The following PHACTR1 variants were observed in gnomAD, a reference collection of about 807,000 sequenced individuals.
PHACTR1 encodes RPEL repeat containing 1.
Under a neutral mutation model 69.2 loss-of-function variants are expected in PHACTR1, and 16 were observed. The observed-to-expected ratio is 0.23, with a 90% CI of 0.16 to 0.35. The LOEUF (loss-of-function observed/expected upper bound fraction) is 0.35, where lower values mean the gene tolerates loss of function less well. Ranked by LOEUF, PHACTR1 falls within the 10% of genes least tolerant of loss-of-function variation. The pLI, the probability that PHACTR1 is intolerant of heterozygous loss-of-function variation, is 1.00. For missense variants in PHACTR1, 510 were observed against 734.7 expected (o/e 0.69, Z 3.54); for synonymous variants, 312 against 284.5 (o/e 1.10, Z -0.97).
rs1354463048 is a variant in PHACTR1 at position 13,160,209 on chromosome 6, G to C, written c.421G>C (p.Glu141Gln). Residue 141 changes from glutamate (E) to glutamine (Q), a missense_variant, in exon 6 of 15, where the codon GAA becomes CAA. Glu to Gln is a conservative substitution (Grantham distance 29). Around this residue, in one of 2 missense-constraint regions of PHACTR1, gnomAD observed 419 missense variants for 530.9 expected, o/e 0.79. Coordinates refer to ENST00000332995, the MANE Select transcript of PHACTR1 (RefSeq NM_030948.6). ...EKFKHTSAAL[E>Q]RKISMRQSRE... ...TGTTTGTCTTTTGTTTGTAGCCCTG[G>C]AAAGGAAAATATCTATGAGGCAAAG... 6.2e-7 allele frequency: 1 copy of C among 1,613,598 alleles called. No individual in the cohort carries two copies. The highest frequency in any genetic ancestry group is 2.2e-5 in the East Asian group (1 of 44,872).
chr6:12,812,410 T>A (rs906702094), intron 4 of PHACTR1, among the ~76,000 whole-genome samples: 47 of 152,184 alleles, frequency 3.1e-4, no homozygotes, highest in Non-Finnish European at 6.3e-4. Flanking sequence ...AAGTGTGTCA[T>A]CACGTGGAGT....
chr6:12,839,533 T>C (rs938348875), intron 4 of PHACTR1, among the ~76,000 whole-genome samples: 1 of 152,098 alleles, frequency 6.6e-6, no homozygotes, highest in African/African-American at 2.4e-5. Context: ...AGATATGTCA[T>C]GGGGCCTGTG....
chr6:12,751,367 T>C (rs1207617839), intron 4 of PHACTR1, among the ~76,000 whole-genome samples: 2 of 152,252 alleles, frequency 1.3e-5, no homozygotes, highest in Non-Finnish European at 2.9e-5. Context: ...CCTACTTCTA[T>C]GTTTCAGATT....
At chr6:12,840,268 C>A (rs1467523555) in intron 4 of PHACTR1, among the ~76,000 whole-genome samples, 1 of 151,830 alleles carries the variant, frequency 6.6e-6, no homozygotes, top group African/African-American at 2.4e-5. Flanking sequence ...TTTTTTGATG[C>A]TAATTCATTC....
intron 7 of PHACTR1, among the ~76,000 whole-genome samples, chr6:13,199,578 T>C (rs187937137): frequency 6.6e-6 from 1 of 152,028 alleles, no homozygotes; most frequent in Non-Finnish European, 1.5e-5. Flanking sequence ...ATAGGGTAAA[T>C]AAAAAATCAG....
intron 4 of PHACTR1, among the ~76,000 whole-genome samples, chr6:12,801,663 G>A (rs1454628597): frequency 6.6e-6 from 1 of 152,130 alleles, no homozygotes; most frequent in Non-Finnish European, 1.5e-5. Context: ...AAGCTGTAAG[G>A]CATCTTAGAG....
At chr6:13,032,732 C>T (rs891617596) in intron 4 of PHACTR1, among the ~76,000 whole-genome samples, 17 of 151,960 alleles carry the variant, frequency 1.1e-4, no homozygotes, top group Non-Finnish European at 2.4e-4. Flanking sequence ...CCTCCCGCCT[C>T]GGCCTCACGA....
chr6:12,875,950 C>T (rs79058495), intron 4 of PHACTR1, among the ~76,000 whole-genome samples: 3,603 of 152,222 alleles, frequency 0.024, 142 homozygotes, highest in African/African-American at 0.083. Context: ...CTTGGCCCAA[C>T]GTTATAATAA....
At chr6:12,887,276 G>A (rs1244241797) in intron 4 of PHACTR1, among the ~76,000 whole-genome samples, 2 of 152,196 alleles carry the variant, frequency 1.3e-5, no homozygotes, top group African/African-American at 4.8e-5. Context: ...GAAGAATGGA[G>A]GGACTTTCAT....
intron 4 of PHACTR1, among the ~76,000 whole-genome samples, chr6:12,759,451 A>AT (rs1304963129): frequency 1.3e-5 from 2 of 151,850 alleles, no homozygotes; most frequent in East Asian, 3.9e-4. Context: ...GCAAAAAAAA[A>AT]AAAAATCCTA....
intron 4 of PHACTR1, among the ~76,000 whole-genome samples, chr6:12,976,230 C>CGTGA (rs1050054236): frequency 1.3e-5 from 2 of 152,086 alleles, no homozygotes; most frequent in Non-Finnish European, 2.9e-5. Flanking sequence ...AGAGGTGGTG[C>CGTGA]GTGAGCAGCA....
At chr6:12,933,706 G>C in intron 4 of PHACTR1, 1 of 1,612,806 alleles carries the variant, frequency 6.2e-7, no homozygotes, top group Non-Finnish European at 8.5e-7. Context: ...GTCCTCTTGG[G>C]CTCGAACTGT....
At chr6:12,909,725 C>T (rs1308140157) in intron 4 of PHACTR1, among the ~76,000 whole-genome samples, 1 of 152,108 alleles carries the variant, frequency 6.6e-6, no homozygotes, top group African/African-American at 2.4e-5. Context: ...GAAACTGGAC[C>T]AATGCCTAAA....
intron 4 of PHACTR1, among the ~76,000 whole-genome samples, chr6:12,987,085 G>A (rs1166206300): frequency 6.6e-6 from 1 of 152,124 alleles, no homozygotes; most frequent in East Asian, 1.9e-4. Context: ...ACATATAAGT[G>A]TATATGATTT....
rs149085848 is a variant in PHACTR1 at position 13,176,708 on chromosome 6, T to C, written c.497-5811T>C. On this transcript the variant is annotated intron_variant, in intron 6 of 14. Coordinates refer to ENST00000332995, the MANE Select transcript of PHACTR1 (RefSeq NM_030948.6). Reference sequence around the variant, plus strand: ...TTTCTACTATTCTATTTTTCGTACATTTTTATTCTGGTTTTAAAGTTTTAT... The same window carrying C: ...TTTCTACTATTCTATTTTTCGTACACTTTTATTCTGGTTTTAAAGTTTTAT... Among the ~76,000 whole-genome samples, 964 of 152,276 alleles carry C rather than the reference T, an allele frequency of 6.3e-3. 4 individuals carry two copies. Among genetic ancestry groups the C allele is most frequent in the Middle Eastern group, 0.014 (4 of 294 alleles).
chr6:13,184,235 C>G (rs16873711), intron 7 of PHACTR1, among the ~76,000 whole-genome samples: 7,307 of 152,228 alleles, frequency 0.048, 588 homozygotes, highest in African/African-American at 0.17. Context: ...TGTCAGCGTT[C>G]CAGGCTGTCA....
At chr6:12,784,190 A>G (rs1323687722) in intron 4 of PHACTR1, among the ~76,000 whole-genome samples, 1 of 152,046 alleles carries the variant, frequency 6.6e-6, no homozygotes, top group Admixed American at 6.5e-5. Context: ...ACCCACAGAT[A>G]TACATATATA....
chr6:12,801,909 G>A (rs1181105521), intron 4 of PHACTR1, among the ~76,000 whole-genome samples: 1 of 152,094 alleles, frequency 6.6e-6, no homozygotes, highest in South Asian at 2.1e-4. Flanking sequence ...TTTCCGAGGA[G>A]TGACTAAATA....
intron 6 of PHACTR1, among the ~76,000 whole-genome samples, chr6:13,169,328 A>G (rs757773678): frequency 6.6e-6 from 1 of 152,172 alleles, no homozygotes; most frequent in Non-Finnish European, 1.5e-5. Context: ...GTAGACCTCT[A>G]AGTATACAGA....
Sources: gnomAD v4.1 joint callset for allele counts (sites outside exome capture counted in the v4.1 genomes callset) on GRCh38, gnomAD v4.1.1 for gene constraint, gnomAD v4.1.1 regional missense constraint, MANE v1.5 for transcripts, NCBI Gene and HGNC (gene_info 2026-07-23, HGNC 2026-07-21) for gene names.